MAST4: variants seen among roughly 807,000 people sequenced by gnomAD.
MAST4 encodes microtubule-associated serine/threonine-protein kinase 4.
In MAST4, 89 loss-of-function variants were observed where a neutral mutation model predicts 162.7. The observed-to-expected ratio is 0.55, with a 90% CI of 0.46 to 0.65. MAST4 has a LOEUF of 0.65. Ranked by LOEUF, MAST4 falls within the 30% of genes least tolerant of loss-of-function variation. The probability of loss-of-function intolerance (pLI) is 0.00; values close to 1 mark genes in which losing one functional copy is unlikely to be tolerated. For missense variants in MAST4, 3,153 were observed against 3,374.0 expected (o/e 0.93, Z 1.62); for synonymous variants, 1,479 against 1,361.1 (o/e 1.09, Z -1.91).
At chr5:67,131,362 C>T (rs1420305650) in intron 15 of MAST4, among the ~76,000 whole-genome samples, 1 of 152,048 alleles carries the variant, frequency 6.6e-6, no homozygotes, top group Non-Finnish European at 1.5e-5. Context: ...ATTTAATTCT[C>T]GTAAGAATTC....
At chr5:66,752,031 A>G (rs1459315296) in intron 1 of MAST4, among the ~76,000 whole-genome samples, 3 of 152,084 alleles carry the variant, frequency 2.0e-5, no homozygotes, top group African/African-American at 4.8e-5. Flanking sequence ...AGAATTTCAT[A>G]TCCAGCCAAA....
At chr5:66,830,042 A>C (rs1337853523) in intron 3 of MAST4, among the ~76,000 whole-genome samples, 1 of 152,136 alleles carries the variant, frequency 6.6e-6, no homozygotes, top group Non-Finnish European at 1.5e-5. Context: ...CTTTGTTTTC[A>C]TCACCTCTAT....
At chr5:66,649,312 A>C (rs187433760) in intron 1 of MAST4, among the ~76,000 whole-genome samples, 1 of 152,190 alleles carries the variant, frequency 6.6e-6, no homozygotes, top group South Asian at 2.1e-4. Context: ...AGAGGTGAGA[A>C]AAATTGTGTA....
At chr5:67,082,956 G>GT (rs1762842052) in intron 5 of MAST4, among the ~76,000 whole-genome samples, 1 of 152,186 alleles carries the variant, frequency 6.6e-6, no homozygotes, top group South Asian at 2.1e-4. Context: ...GGGCCTGGGT[G>GT]TTAGCATTTT....
At chr5:67,060,184 A>G (rs997096574) in intron 5 of MAST4, among the ~76,000 whole-genome samples, 18 of 152,184 alleles carry the variant, frequency 1.2e-4, no homozygotes, top group African/African-American at 4.1e-4. Flanking sequence ...TTTGAGCCAT[A>G]CATGAGAATT....
chr5:66,842,598 C>T (rs1191512338), intron 3 of MAST4, among the ~76,000 whole-genome samples: 1 of 152,094 alleles, frequency 6.6e-6, no homozygotes, highest in Non-Finnish European at 1.5e-5. Flanking sequence ...CTTCAACATA[C>T]TTGCTTTGAA....
At chr5:66,647,070 T>C (rs1745888369) in intron 1 of MAST4, among the ~76,000 whole-genome samples, 2 of 152,146 alleles carry the variant, frequency 1.3e-5, no homozygotes, top group Non-Finnish European at 1.5e-5. Flanking sequence ...CTGGCCATAA[T>C]ATTATAGGAT....
At chr5:67,019,304 A>G (rs551796953) in intron 4 of MAST4, among the ~76,000 whole-genome samples, 1 of 152,310 alleles carries the variant, frequency 6.6e-6, no homozygotes, top group Non-Finnish European at 1.5e-5. Flanking sequence ...AGATGGGCCC[A>G]TTGACACTAG....
At chr5:67,140,411 G>A (rs912750315) in intron 19 of MAST4, among the ~76,000 whole-genome samples, 1 of 152,372 alleles carries the variant, frequency 6.6e-6, no homozygotes, top group Middle Eastern at 3.4e-3. Context: ...TGCATGGTGG[G>A]CTGGAGTGAG....
chr5:67,010,801 T>TG (rs772052440), intron 4 of MAST4, among the ~76,000 whole-genome samples: 17 of 152,178 alleles, frequency 1.1e-4, no homozygotes, highest in Admixed American at 3.3e-4. Flanking sequence ...ATCTGGCAAC[T>TG]GGAAACTCAT....
In MAST4 at chr5:66,787,728, G is replaced by A. The variant is rs145525305; in HGVS notation, c.518-942G>A. On this transcript the variant is annotated intron_variant, in intron 2 of 28. Coordinates refer to ENST00000403625, the MANE Select transcript of MAST4 (RefSeq NM_001164664.2). The stretch of plus-strand genomic sequence containing the variant: ...ACATGGCCCTAAGATGAGATTCTTT[G>A]TGTGGTCTGCTATCTTTTCATTGTC... Among the ~76,000 whole-genome samples the A allele has an allele frequency of 6.0e-3, 914 of 152,290 alleles. 9 individuals are homozygous for A. Among genetic ancestry groups the A allele is most frequent in the African/African-American group, 0.021 (873 of 41,556 alleles).
At position 67,149,380 on chromosome 5, in the gene MAST4, T is replaced by G. The variant is rs1452035174; in HGVS notation, c.3095-9T>G. ...TCCTGAATGTGTTTATCCCTTCTTC[T>G]TTGTACAGTTGGCAGTTTTTCAGAG... On this transcript the variant is annotated splice_polypyrimidine_tract_variant and intron_variant, in intron 23 of 28. Transcript: ENST00000403625. 6.2e-7 allele frequency: 1 copy of G among 1,609,890 alleles called. No individual in the cohort carries two copies. The highest frequency in any genetic ancestry group is 1.1e-5 in the South Asian group (1 of 89,948).
chr5:67,047,005 G>C (rs906845609), intron 4 of MAST4, among the ~76,000 whole-genome samples: 1 of 152,192 alleles, frequency 6.6e-6, no homozygotes, highest in Non-Finnish European at 1.5e-5. Context: ...CAGGCTGATA[G>C]TATCAGCACT....
intron 1 of MAST4, among the ~76,000 whole-genome samples, chr5:66,733,155 C>G (rs1050770483): frequency 3.3e-5 from 5 of 152,104 alleles, no homozygotes; most frequent in Non-Finnish European, 5.9e-5. Flanking sequence ...GTTCCTTTTG[C>G]CTATGAAATA....
At chr5:67,142,320 C>CT (rs1770495524) in intron 20 of MAST4, 83 bp downstream of exon 20, 1 of 1,551,938 alleles carries the variant, frequency 6.4e-7, no homozygotes, top group African/African-American at 1.4e-5. Context: ...TTTCATATCT[C>CT]TGAGTTCTTA....
chr5:66,785,985 C>T (rs1224504072), intron 2 of MAST4, among the ~76,000 whole-genome samples: 1 of 152,158 alleles, frequency 6.6e-6, no homozygotes. Context: ...CCTCCCTTCT[C>T]AGCCTCCTGA....
chr5:67,064,754 A>T (rs1484995511), intron 5 of MAST4, among the ~76,000 whole-genome samples: 1 of 152,216 alleles, frequency 6.6e-6, no homozygotes, highest in African/African-American at 2.4e-5. Flanking sequence ...AAAGCAAGGA[A>T]ATCTAAAACT....
chr5:66,629,464 A>C (rs1744658719), intron 1 of MAST4, among the ~76,000 whole-genome samples: 1 of 152,180 alleles, frequency 6.6e-6, no homozygotes, highest in South Asian at 2.1e-4. Flanking sequence ...CTCAAGTTTT[A>C]GCAAATTACT....
At chr5:67,103,217 C>T (rs1042949992) in intron 9 of MAST4, among the ~76,000 whole-genome samples, 1 of 152,176 alleles carries the variant, frequency 6.6e-6, no homozygotes, top group African/African-American at 2.4e-5. Flanking sequence ...CTCAGATGGT[C>T]CCATTAGCTC....
Sources: allele counts gnomAD v4.1 joint callset (sites outside exome capture counted in the v4.1 genomes callset), GRCh38; gene constraint gnomAD v4.1.1; transcripts MANE v1.5; gene names NCBI Gene and HGNC (gene_info 2026-07-23, HGNC 2026-07-21).